Variants in GRID2 observed in about 807,000 individuals in gnomAD.
GRID2 encodes the protein glutamate ionotropic receptor delta type subunit 2, also known as glutamate receptor ionotropic, delta-2.
In GRID2, 33 loss-of-function variants were observed where a neutral mutation model predicts 114.8. That is an observed-to-expected ratio of 0.29 (90% CI 0.22 to 0.38). GRID2 has a LOEUF of 0.38. Among genes scored for constraint, GRID2 ranks in the 10% least tolerant of loss-of-function variants. GRID2 has a pLI of 1.00. For missense variants in GRID2, 1,184 were observed against 1,257.7 expected (o/e 0.94, Z 0.89); for synonymous variants, 505 against 449.9 (o/e 1.12, Z -1.55).
At chr4:92,493,148 GAATT>G (rs1723231597) in intron 1 of GRID2, among the ~76,000 whole-genome samples, 1 of 136,280 alleles carries the variant, frequency 7.3e-6, no homozygotes, top group East Asian at 2.1e-4. Flanking sequence ...AAAAAAAAAA[GAATT>G]GAATTGAATA....
intron 13 of GRID2, among the ~76,000 whole-genome samples, chr4:93,590,330 G>A (rs1409175532): frequency 6.7e-6 from 1 of 150,138 alleles, no homozygotes; most frequent in Non-Finnish European, 1.5e-5. Flanking sequence ...CCCATTTCTT[G>A]TTTTTGTCAG....
At chr4:93,365,159 T>C (rs972269098) in intron 8 of GRID2, among the ~76,000 whole-genome samples, 28 of 152,310 alleles carry the variant, frequency 1.8e-4, no homozygotes, top group African/African-American at 6.5e-4. Flanking sequence ...AGAATTTATG[T>C]GAGGTATGTA....
At chr4:93,149,157 G>A (rs1265080522) in intron 4 of GRID2, among the ~76,000 whole-genome samples, 1 of 152,042 alleles carries the variant, frequency 6.6e-6, no homozygotes, top group Non-Finnish European at 1.5e-5. Context: ...TACAAACACT[G>A]CTTATATAAT....
intron 11 of GRID2, among the ~76,000 whole-genome samples, chr4:93,473,745 T>C (rs555296376): frequency 3.0e-4 from 46 of 152,274 alleles, no homozygotes; most frequent in African/African-American, 1.1e-3. Flanking sequence ...TATTGCTTCC[T>C]CAGTTAATGT....
At chr4:92,948,048 T>A (rs1751767338) in intron 2 of GRID2, among the ~76,000 whole-genome samples, 1 of 151,886 alleles carries the variant, frequency 6.6e-6, no homozygotes, top group Non-Finnish European at 1.5e-5. Context: ...AAATTTGTTT[T>A]CTAAGAGGGA....
intron 13 of GRID2, among the ~76,000 whole-genome samples, chr4:93,612,449 C>T (rs994676816): frequency 7.4e-6 from 1 of 135,666 alleles, no homozygotes; most frequent in African/African-American, 2.8e-5. Context: ...GCGGCTGGTA[C>T]CGGTTGTTCC....
intron 13 of GRID2, among the ~76,000 whole-genome samples, chr4:93,611,269 C>G (rs1214537044): frequency 3.6e-5 from 4 of 110,186 alleles, no homozygotes; most frequent in Non-Finnish European, 5.7e-5. Flanking sequence ...AAACCAGCTC[C>G]TGGATTCATT....
intron 2 of GRID2, among the ~76,000 whole-genome samples, chr4:92,900,441 CA>C (rs1343198767): frequency 4.6e-5 from 7 of 152,180 alleles, no homozygotes; most frequent in Middle Eastern, 3.2e-3. Context: ...TTTGCTATTT[CA>C]TACTATATGT....
chr4:93,808,809 A>G (rs1735079788), exon 2 of GRID2: 1 of 152,188 alleles, frequency 6.6e-6, no homozygotes, highest in Non-Finnish European at 1.5e-5. Flanking sequence ...TCTGGCTGCC[A>G]GGGGAGTCAC....
chr4:93,700,501 C>T (rs1727418086), intron 14 of GRID2, among the ~76,000 whole-genome samples: 1 of 152,076 alleles, frequency 6.6e-6, no homozygotes, highest in Admixed American at 6.6e-5. Context: ...AAGAGTAGCT[C>T]ATTCCATACT....
chr4:93,790,254 T>G (rs557791390), intron 1 of GRID2, among the ~76,000 whole-genome samples: 1 of 152,200 alleles, frequency 6.6e-6, no homozygotes, highest in East Asian at 1.9e-4. Flanking sequence ...ATAAAAAAAC[T>G]GAAGAGTTTC....
At chr4:93,445,624 T>C (rs1001321758) in intron 10 of GRID2, among the ~76,000 whole-genome samples, 33 of 152,124 alleles carry the variant, frequency 2.2e-4, no homozygotes, top group African/African-American at 7.7e-4. Context: ...CTGCATTTCA[T>C]TGGGAATCCA....
At chr4:92,473,897 T>C (rs1440430261) in intron 1 of GRID2, among the ~76,000 whole-genome samples, 2 of 151,990 alleles carry the variant, frequency 1.3e-5, no homozygotes, top group Non-Finnish European at 2.9e-5. Context: ...TATATATTTA[T>C]ATATTGTGAA....
intron 2 of GRID2, among the ~76,000 whole-genome samples, chr4:92,738,950 G>A (rs1015594072): frequency 1.3e-5 from 2 of 152,128 alleles, no homozygotes; most frequent in African/African-American, 4.8e-5. Context: ...TTACAGGCAG[G>A]CGCCGTAACA....
chr4:92,607,654 C>T (rs1729524692), intron 2 of GRID2, among the ~76,000 whole-genome samples: 1 of 151,792 alleles, frequency 6.6e-6, no homozygotes, highest in Admixed American at 6.6e-5. Context: ...TGCTAATGAA[C>T]AGCAAATGGC....
At chr4:93,316,320 GAAAGAAAGAAAGAAA>G (rs1560490700) in intron 8 of GRID2, among the ~76,000 whole-genome samples, 2,436 of 93,170 alleles carry the variant, frequency 0.026, 104 homozygotes, top group African/African-American at 0.068. Flanking sequence ...AAGAAAGAAA[GAAAGAAAGAAAGAAA>G]GAAAGAAGGA....
intron 14 of GRID2, among the ~76,000 whole-genome samples, chr4:93,734,386 T>C (rs1730748246): frequency 1.3e-5 from 2 of 152,018 alleles, no homozygotes; most frequent in African/African-American, 4.8e-5. Flanking sequence ...TTATTTGCAA[T>C]CTGGTAAGAT....
At chr4:93,258,685 G>C (rs1330445496) in intron 8 of GRID2, among the ~76,000 whole-genome samples, 1 of 151,738 alleles carries the variant, frequency 6.6e-6, no homozygotes, top group East Asian at 1.9e-4. Context: ...TAAATAGTTT[G>C]TTATTAGTTA....
Position 92,720,191 on chromosome 4 carries a change from G to A in GRID2, c.244+129905G>A, listed in dbSNP as rs143072942. ...TTCAGCATTTTTTTTAAGAACAAAA[G>A]ATGTTCTGGACATCTTTCCAAGCAT... On this transcript the variant is annotated intron_variant, in intron 2 of 15. Transcript: ENST00000282020. Among the ~76,000 whole-genome samples, 828 of 151,954 alleles carry A rather than the reference G, an allele frequency of 5.4e-3. 3 individuals are homozygous for A. Among genetic ancestry groups the A allele is most frequent in the African/African-American group, 0.019 (792 of 41,458 alleles).
Sources: allele counts gnomAD v4.1 joint callset (sites outside exome capture counted in the v4.1 genomes callset), GRCh38; gene constraint gnomAD v4.1.1; transcripts MANE v1.5; gene names NCBI Gene and HGNC (gene_info 2026-07-23, HGNC 2026-07-21).